The following ATRN variants were observed in gnomAD, a reference collection of about 807,000 sequenced individuals.
ATRN encodes the protein attractin, also known as attractin-2.
Under a neutral mutation model 178.7 loss-of-function variants are expected in ATRN, and 54 were observed. The observed-to-expected ratio is 0.30, with a 90% CI of 0.24 to 0.38. The LOEUF is 0.38. ATRN is among the 10% of genes least tolerant of loss of function. The pLI is 1.00. For synonymous variants in ATRN, 636 were observed against 663.0 expected, an observed-to-expected ratio of 0.96 and a Z score of 0.63; for missense variants, 1,443 against 1,815.1, an observed-to-expected ratio of 0.79 and a Z score of 3.73.
chr20:3,520,337 A>G (rs973794870), intron 1 of ATRN, among the ~76,000 whole-genome samples: 1 of 152,030 alleles, frequency 6.6e-6, no homozygotes, highest in African/African-American at 2.4e-5. Context: ...AGTGTGGAGT[A>G]TTTTTGTAGG....
chr20:3,503,521 A>G (rs1275682893), intron 1 of ATRN, among the ~76,000 whole-genome samples: 3 of 152,302 alleles, frequency 2.0e-5, no homozygotes, highest in Admixed American at 6.5e-5. Context: ...GCCATATAAA[A>G]TTAATTAAAA....
chr20:3,587,965 G>A (rs897387656), intron 18 of ATRN, among the ~76,000 whole-genome samples: 2 of 152,110 alleles, frequency 1.3e-5, no homozygotes, highest in Non-Finnish European at 2.9e-5. Flanking sequence ...TCCAGCCTCA[G>A]CCTCTCGAGT....
intron 15 of ATRN, 46 bp from the exon 16 acceptor site, chr20:3,582,089 A>T: frequency 6.5e-7 from 1 of 1,540,046 alleles, no homozygotes; most frequent in Non-Finnish European, 9.0e-7. Flanking sequence ...TTTAAATTAA[A>T]AAAAGATACT....
Position 3,582,065 on chromosome 20 carries a change from C to T in ATRN, c.2545-70C>T, listed in dbSNP as rs552637765. 84 of 1,393,040 alleles carry T rather than the reference C, an allele frequency of 6.0e-5. No homozygotes were observed. In the South Asian group the frequency reaches 1.0e-3, roughly 17 times the overall value. The allele number at this position is 1,393,040 out of a possible 1,614,324, so 86.3% of individuals were successfully genotyped here. ...AACTAGCCAGGGCAACATGGCAAGA[C>T]TCCATCTCCAAAATTTAAATTAAAA... On this transcript the variant is annotated intron_variant, in intron 15 of 28. Coordinates refer to ENST00000262919, the MANE Select transcript of ATRN (RefSeq NM_139321.3).
intron 3 of ATRN, among the ~76,000 whole-genome samples, chr20:3,541,530 C>T (rs1256300320): frequency 3.9e-5 from 6 of 152,152 alleles, no homozygotes; most frequent in Non-Finnish European, 1.5e-5. Context: ...TTATATGGTA[C>T]AGCCTATTGT....
chr20:3,603,493 C>CT lies in ATRN; in HGVS notation c.3644-599dup, dbSNP rs368103958. On this transcript the variant is annotated intron_variant, in intron 23 of 28. Transcript: ENST00000262919. ...CTGGTAAAACCATTTTTCTTTCTTT[C>CT]TTTTTTTTTTTTTGAGACGGAATTT... Among the ~76,000 whole-genome samples the CT allele has an allele frequency of 1.4e-3, 205 of 143,328 alleles. 1 individual carries two copies. Among genetic ancestry groups the CT allele is most frequent in the Admixed American group, 3.2e-3 (46 of 14,302 alleles). The allele number at this position is 143,328 out of a possible 152,430, so 94.0% of individuals were successfully genotyped here.
At chr20:3,608,589 C>G (rs2086711955) in intron 24 of ATRN, among the ~76,000 whole-genome samples, 1 of 152,156 alleles carries the variant, frequency 6.6e-6, no homozygotes. Flanking sequence ...ATGCTGGTAT[C>G]ATGCTGTTGT....
Position 3,650,203 on chromosome 20 carries a change from T to G in ATRN, c.*3356T>G, listed in dbSNP as rs1206512694. On this transcript the variant is annotated 3_prime_UTR_variant, in exon 29 of 29. Transcript: ENST00000262919. Reference sequence around the variant, plus strand: ...CCTTCCAGTGCAAATCCTGCTCCTTTGATTTAATGGGGTGTACTGGGGCCA... The same window carrying G: ...CCTTCCAGTGCAAATCCTGCTCCTTGGATTTAATGGGGTGTACTGGGGCCA... The G allele has an allele frequency of 6.6e-6, 1 of 152,656 alleles. No individual in the cohort carries two copies. The highest frequency in any genetic ancestry group is 1.5e-5 in the Non-Finnish European group (1 of 68,036). 9.5% of individuals were successfully genotyped at this position (152,656 alleles called of 1,614,324 possible). A position where few individuals can be genotyped will look rare whatever the true frequency, so the allele number is the denominator to read the frequency against.
chr20:3,610,742 CTTTT>C (rs71195847), intron 24 of ATRN, among the ~76,000 whole-genome samples: 2 of 65,270 alleles, frequency 3.1e-5, no homozygotes, highest in African/African-American at 1.3e-4. Context: ...CTGGCTAATT[CTTTT>C]TTTTTTTTTT....
At chr20:3,592,735 A>G (rs2086466952) in intron 19 of ATRN, among the ~76,000 whole-genome samples, 1 of 151,862 alleles carries the variant, frequency 6.6e-6, no homozygotes, top group African/African-American at 2.4e-5. Context: ...TGTGTCCCTT[A>G]CTCTCCCTGG....
chr20:3,586,920 TGAAAACTGTTCTA>T (rs568968024), intron 18 of ATRN, among the ~76,000 whole-genome samples: 286 of 152,354 alleles, frequency 1.9e-3, no homozygotes, highest in Non-Finnish European at 3.0e-3. Flanking sequence ...ATCTTTTTAA[TGAAAACTGTTCTA>T]GTGGATGAGA....
intron 6 of ATRN, among the ~76,000 whole-genome samples, chr20:3,550,475 C>A (rs2085772407): frequency 6.6e-6 from 1 of 152,176 alleles, no homozygotes; most frequent in African/African-American, 2.4e-5. Context: ...ATTCCCATTG[C>A]TGCTGCCTTT....
At chr20:3,513,063 G>C (rs1417789598) in intron 1 of ATRN, among the ~76,000 whole-genome samples, 2 of 152,142 alleles carry the variant, frequency 1.3e-5, no homozygotes, top group African/African-American at 4.8e-5. Flanking sequence ...TAGGTTTCCT[G>C]TTCACTCTGA....
chr20:3,571,624 C>T (rs1264075366), intron 11 of ATRN, among the ~76,000 whole-genome samples: 1 of 150,854 alleles, frequency 6.6e-6, no homozygotes, highest in African/African-American at 2.4e-5. Flanking sequence ...TTTTAATTTG[C>T]ATTTTTCTTA....
At chr20:3,595,599 G>A (rs1299108984) in intron 20 of ATRN, among the ~76,000 whole-genome samples, 2 of 152,128 alleles carry the variant, frequency 1.3e-5, no homozygotes, top group Admixed American at 1.3e-4. Context: ...AAATGTCATC[G>A]AGCAAAATTA....
At chr20:3,588,328 T>C (rs565377895) in intron 18 of ATRN, among the ~76,000 whole-genome samples, 1 of 152,350 alleles carries the variant, frequency 6.6e-6, no homozygotes, top group African/African-American at 2.4e-5. Flanking sequence ...GTTTTTTTTA[T>C]ACATGCCCTT....
At chr20:3,635,722 A>G (rs2087020554) in intron 26 of ATRN, among the ~76,000 whole-genome samples, 1 of 152,206 alleles carries the variant, frequency 6.6e-6, no homozygotes, top group African/African-American at 2.4e-5. Context: ...AGGCTCCAGG[A>G]TATGGGCCTC....
intron 22 of ATRN, among the ~76,000 whole-genome samples, chr20:3,600,366 G>A (rs2146285407): frequency 6.6e-6 from 1 of 152,146 alleles, no homozygotes; most frequent in Non-Finnish European, 1.5e-5. Context: ...AATATTTTTA[G>A]TAAGAGAAAA....
Position 3,503,590 on chromosome 20 carries a change from G to GA in ATRN, c.411-31655dup, listed in dbSNP as rs201047690. 3.5e-3 allele frequency among the ~76,000 whole-genome samples: 538 copies of GA among 151,624 alleles called. 8 individuals carry two copies. Among genetic ancestry groups the GA allele is most frequent in the Admixed American group, 0.021 (321 of 15,232 alleles). ...AAATTTTAGAACTGAAAAACAACAG[G>GA]AAAAAAAATGCTTACTGGACCGGCT... On this transcript the variant is annotated intron_variant, in intron 1 of 28. Transcript: ENST00000262919.
Sources: allele counts gnomAD v4.1 joint callset (sites outside exome capture counted in the v4.1 genomes callset), GRCh38; gene constraint gnomAD v4.1.1; transcripts MANE v1.5; gene names NCBI Gene and HGNC (gene_info 2026-07-23, HGNC 2026-07-21).